Variants in VEZT observed in about 807,000 individuals in gnomAD.
VEZT encodes vezatin.
In VEZT, 39 loss-of-function variants were observed where a neutral mutation model predicts 79.9. The ratio of observed to expected loss-of-function variants is 0.49; its 90% CI spans 0.38 to 0.64. The LOEUF is 0.64. Among genes scored for constraint, VEZT ranks in the 30% least tolerant of loss-of-function variants. The probability of loss-of-function intolerance (pLI) is 0.00; values close to 1 mark genes in which losing one functional copy is unlikely to be tolerated. For missense variants in VEZT, 837 were observed against 893.1 expected, an observed-to-expected ratio of 0.94 and a Z score of 0.80; for synonymous variants, 325 against 327.6, an observed-to-expected ratio of 0.99 and a Z score of 0.09.
chr12:95,220,416 G>A lies in VEZT; in HGVS notation c.36+2530G>A, dbSNP rs1350654469. ...GGCTGCAGTGAGCCATGATCGCACCGCTGTACTCCAGCCTGGATGACAGAG... is the reference window on the plus strand; with the variant it reads ...GGCTGCAGTGAGCCATGATCGCACCACTGTACTCCAGCCTGGATGACAGAG... On this transcript the variant is annotated intron_variant, in intron 1 of 11. Coordinates refer to ENST00000436874, the MANE Select transcript of VEZT (RefSeq NM_017599.4). 3.9e-5 allele frequency among the ~76,000 whole-genome samples: 6 copies of A among 152,004 alleles called. No homozygotes were observed. The South Asian group carries it at 6.2e-4, about 16-fold the overall frequency.
At chr12:95,229,939 A>G (rs1015027495) in intron 1 of VEZT, among the ~76,000 whole-genome samples, 1 of 151,986 alleles carries the variant, frequency 6.6e-6, no homozygotes, top group African/African-American at 2.4e-5. Flanking sequence ...AAAATGCAAA[A>G]ATTAGCAGGC....
chr12:95,302,771 C>G lies in VEZT; in HGVS notation c.*2098C>G, dbSNP rs1479406122. On this transcript the variant is annotated 3_prime_UTR_variant, in exon 12 of 12. Coordinates refer to ENST00000436874, the MANE Select transcript of VEZT (RefSeq NM_017599.4). Reference sequence around the variant, plus strand: ...ATGAGCCATAGGTAATGTTTATGTCCAATAAAATCTAGGAACCTCTGTCTG... The same window carrying G: ...ATGAGCCATAGGTAATGTTTATGTCGAATAAAATCTAGGAACCTCTGTCTG... The G allele has an allele frequency of 6.6e-6, 1 of 152,040 alleles. No homozygotes were observed. The highest frequency in any genetic ancestry group is 1.5e-5 in the Non-Finnish European group (1 of 68,016). The allele number at this position is 152,040 out of a possible 1,614,324, so 9.4% of individuals were successfully genotyped here.
At chr12:95,241,918 C>T (rs2137356499) in intron 1 of VEZT, among the ~76,000 whole-genome samples, 1 of 152,212 alleles carries the variant, frequency 6.6e-6, no homozygotes, top group South Asian at 2.1e-4. Context: ...AACTTGAAAT[C>T]ATGTTGCTAG....
intron 1 of VEZT, among the ~76,000 whole-genome samples, chr12:95,223,017 G>A (rs2057853379): frequency 6.6e-6 from 1 of 152,096 alleles, no homozygotes; most frequent in African/African-American, 2.4e-5. Context: ...TTTTTATTCT[G>A]AAAGGCAGTG....
At chr12:95,269,965 T>G (rs965626377) in intron 5 of VEZT, 86 bp from the exon 6 acceptor site, 1 of 1,458,652 alleles carries the variant, frequency 6.9e-7, no homozygotes, top group African/African-American at 1.4e-5. Context: ...TTTTCTACAT[T>G]TAATAGAATT....
At chr12:95,224,317 AC>A in intron 1 of VEZT, 1 of 388,974 alleles carries the variant, frequency 2.6e-6, no homozygotes, top group Non-Finnish European at 4.9e-6. Context: ...TAAAGCCACA[AC>A]TTTTTTTTTT....
chr12:95,266,021 G>A (rs2138562809), intron 4 of VEZT, among the ~76,000 whole-genome samples: 1 of 152,264 alleles, frequency 6.6e-6, no homozygotes, highest in African/African-American at 2.4e-5. Context: ...GAGGCCTTTT[G>A]TTGGTTCTGC....
At chr12:95,240,918 A>G (rs559527552) in intron 1 of VEZT, among the ~76,000 whole-genome samples, 1 of 152,240 alleles carries the variant, frequency 6.6e-6, no homozygotes, top group African/African-American at 2.4e-5. Flanking sequence ...TGGGCCAGAT[A>G]ACTCTTTGTG....
chr12:95,245,517 T>G (rs776121555), intron 1 of VEZT: 56 of 456,640 alleles, frequency 1.2e-4, no homozygotes, highest in Non-Finnish European at 2.1e-4. Context: ...TTTTATCCCC[T>G]GTGCCTACAT....
Position 95,243,184 on chromosome 12 carries a change from G to A in VEZT, c.37-8756G>A, listed in dbSNP as rs575584274. The stretch of plus-strand genomic sequence containing the variant: ...AGCTCAGGAGTTCCAGACCAGCCTG[G>A]GCAACCTGGTGAAACCCCATCACTA... On this transcript the variant is annotated intron_variant, in intron 1 of 11. Coordinates refer to ENST00000436874, the MANE Select transcript of VEZT (RefSeq NM_017599.4). 2.0e-5 allele frequency among the ~76,000 whole-genome samples: 3 copies of A among 151,892 alleles called. No individual in the cohort carries two copies. In the East Asian group the frequency reaches 5.8e-4, roughly 30 times the overall value.
chr12:95,255,427 A>G (rs1466192311), intron 2 of VEZT, among the ~76,000 whole-genome samples: 2 of 151,996 alleles, frequency 1.3e-5, no homozygotes, highest in Admixed American at 1.3e-4. Context: ...TAGCTGAGTG[A>G]TTAATTTTCT....
intron 1 of VEZT, among the ~76,000 whole-genome samples, chr12:95,223,076 CT>C (rs1482055689): frequency 6.6e-6 from 1 of 152,120 alleles, no homozygotes; most frequent in Non-Finnish European, 1.5e-5. Context: ...CTAAGAAATC[CT>C]AGGTCAGCTA....
At chr12:95,269,828 C>CT (rs939729839) in intron 5 of VEZT, 145 of 379,384 alleles carry the variant, frequency 3.8e-4, no homozygotes, top group East Asian at 5.4e-4. Context: ...AATTTTTTGT[C>CT]TTTTTTTTAG....
At chr12:95,231,788 A>G (rs1232024767) in intron 1 of VEZT, among the ~76,000 whole-genome samples, 1 of 152,188 alleles carries the variant, frequency 6.6e-6, no homozygotes, top group Middle Eastern at 3.2e-3. Flanking sequence ...CGAAGTAGTT[A>G]ATTTCAGATT....
rs545576390 is a variant in VEZT, at chr12:95,302,017, A to C, written c.*1344A>C. ...GCCAAAATCCTGGAACTCATCTATA[A>C]TTAACCTCTTCGGAGCAATACCTTA... On this transcript the variant is annotated 3_prime_UTR_variant, in exon 12 of 12. Transcript: ENST00000436874. 7 of 152,338 alleles carry C rather than the reference A, an allele frequency of 4.6e-5. No homozygotes were observed. The highest frequency in any genetic ancestry group is 1.7e-4 in the African/African-American group (7 of 41,584). The allele number at this position is 152,338 out of a possible 1,614,324, so 9.4% of individuals were successfully genotyped here. A position where few individuals can be genotyped will look rare whatever the true frequency, so the allele number is the denominator to read the frequency against.
intron 1 of VEZT, among the ~76,000 whole-genome samples, chr12:95,235,528 G>T (rs1275078585): frequency 2.1e-5 from 3 of 144,034 alleles, no homozygotes; most frequent in African/African-American, 7.8e-5. Context: ...CGGGGCAGCT[G>T]GCCGGGCGGG....
chr12:95,300,506 AG>A lies in VEZT; in HGVS notation c.2175del (p.Arg725SerfsTer44), dbSNP rs754811319. ...CTCATTACAGCCCTCCATTAAGCAG[AG>A]GCTGGCACGGCTACAGCTGTCACCA... The part of the protein sequence containing the change: ...RDSLQPSIKQ[R>X]LARLQLSPDF... On this transcript the variant is annotated frameshift_variant, in exon 12 of 12. Transcript: ENST00000436874. LOFTEE classifies it high-confidence loss of function. 1 of 1,613,942 alleles carries A rather than the reference AG, an allele frequency of 6.2e-7. No individual in the cohort carries two copies. The highest frequency in any genetic ancestry group is 8.5e-7 in the Non-Finnish European group (1 of 1,179,890).
intron 3 of VEZT, chr12:95,262,444 A>G (rs2064720683): frequency 6.6e-6 from 1 of 152,618 alleles, no homozygotes. Context: ...GTGATTTTAC[A>G]TTGCATTCCT....
At chr12:95,231,270 C>A (rs796722014) in intron 1 of VEZT, 22 of 152,252 alleles carry the variant, frequency 1.4e-4, no homozygotes, top group African/African-American at 4.8e-4. Context: ...TTTTAAAACT[C>A]CAGTATTCCT....
Sources: allele counts gnomAD v4.1 joint callset (sites outside exome capture counted in the v4.1 genomes callset), GRCh38; gene constraint gnomAD v4.1.1; transcripts MANE v1.5; gene names NCBI Gene and HGNC (gene_info 2026-07-23, HGNC 2026-07-21).